Variants in ZC3H13 observed in about 807,000 individuals in gnomAD.
ZC3H13 encodes the protein zinc finger CCCH-type containing 13, also known as zinc finger CCCH domain-containing protein 13.
A neutral mutation model predicts 204.1 loss-of-function variants in ZC3H13; 64 were observed. That is an observed-to-expected ratio of 0.31 (90% confidence interval 0.26 to 0.39). The LOEUF (loss-of-function observed/expected upper bound fraction) is 0.39. ZC3H13 is among the 10% of genes least tolerant of loss of function. The pLI is 1.00. For missense variants in ZC3H13, 1,833 were observed against 2,082.7 expected (o/e 0.88, Z 2.33); for synonymous variants, 667 against 693.7 (o/e 0.96, Z 0.60).
intron 4 of ZC3H13, among the ~76,000 whole-genome samples, chr13:46,023,788 G>C (rs1274764051): frequency 6.6e-6 from 1 of 152,016 alleles, no homozygotes; most frequent in African/African-American, 2.4e-5. Flanking sequence ...ATTCACTCTT[G>C]TTTTCATTTA....
chr13:46,031,190 C>T (rs1394285345), intron 4 of ZC3H13, among the ~76,000 whole-genome samples: 2 of 152,012 alleles, frequency 1.3e-5, no homozygotes, highest in East Asian at 1.9e-4. Context: ...ATAGTCTTTT[C>T]AACAAATCAT....
intron 7 of ZC3H13, among the ~76,000 whole-genome samples, chr13:46,004,538 T>C (rs192097680): frequency 4.6e-5 from 7 of 152,250 alleles, no homozygotes; most frequent in Admixed American, 4.6e-4. Flanking sequence ...AGACTCTAAC[T>C]CAAAATAAAA....
In ZC3H13 at chr13:45,980,017, T is replaced by C. The variant is rs149813601; in HGVS notation, c.1721-13A>G. 1.5e-4 allele frequency: 232 copies of C among 1,581,912 alleles called. No homozygotes were observed. The highest frequency in any genetic ancestry group is 6.6e-4 in the East Asian group (29 of 43,996). On this transcript the variant is annotated splice_polypyrimidine_tract_variant and intron_variant, in intron 10 of 18. Transcript: ENST00000679008. ...GAGCCTCGACTTCCTAAACAAAGGATAGACACACAAATGTTTACCACATAC... is the reference window on the plus strand; with the variant it reads ...GAGCCTCGACTTCCTAAACAAAGGACAGACACACAAATGTTTACCACATAC...
chr13:46,044,930 G>C, intron 3 of ZC3H13, 25 bp downstream of exon 3: 1 of 1,561,214 alleles, frequency 6.4e-7, no homozygotes, highest in Non-Finnish European at 8.8e-7. Flanking sequence ...AATAGTACAT[G>C]AACAATACAA....
At chr13:45,970,279 T>C (rs1400454841) in intron 13 of ZC3H13, 83 bp downstream of exon 13, 1 of 1,420,818 alleles carries the variant, frequency 7.0e-7, no homozygotes, top group South Asian at 1.3e-5. Context: ...TCTTAATTCA[T>C]CAGTTCCTAC....
chr13:46,018,522 T>G (rs1032924297), intron 5 of ZC3H13, among the ~76,000 whole-genome samples: 5 of 152,008 alleles, frequency 3.3e-5, no homozygotes, highest in African/African-American at 4.8e-5. Context: ...TTCATCAACC[T>G]TATACAGCAG....
At chr13:45,998,896 T>A (rs796101844) in intron 8 of ZC3H13, among the ~76,000 whole-genome samples, 3 of 152,236 alleles carry the variant, frequency 2.0e-5, no homozygotes, top group African/African-American at 7.2e-5. Flanking sequence ...AAAAGATTTA[T>A]CTGTAGCTTG....
intron 8 of ZC3H13, among the ~76,000 whole-genome samples, chr13:45,994,921 A>C (rs2040222557): frequency 6.6e-6 from 1 of 151,950 alleles, no homozygotes; most frequent in Non-Finnish European, 1.5e-5. Context: ...GGTGCCAAGC[A>C]AGGGAGATTT....
chr13:46,049,062 G>A (rs1296934896), intron 1 of ZC3H13, among the ~76,000 whole-genome samples: 15 of 150,202 alleles, frequency 1.0e-4, no homozygotes, highest in African/African-American at 2.9e-4. Context: ...TGAGGCAGGA[G>A]AATCGCTTGA....
At chr13:46,008,738 G>C (rs576110053) in intron 7 of ZC3H13, among the ~76,000 whole-genome samples, 7 of 152,244 alleles carry the variant, frequency 4.6e-5, no homozygotes, top group African/African-American at 1.7e-4. Context: ...GAGGATAAGA[G>C]CAAGTGAAGT....
intron 4 of ZC3H13, among the ~76,000 whole-genome samples, chr13:46,032,362 C>G (rs796683378): frequency 1.0e-5 from 1 of 99,662 alleles, no homozygotes; most frequent in South Asian, 3.7e-4. Flanking sequence ...AGAAAAAGAC[C>G]AAAAAAAAAA....
chr13:46,045,094 C>A, intron 2 of ZC3H13, 30 bp from the exon 3 acceptor site: 3 of 1,530,432 alleles, frequency 2.0e-6, no homozygotes, highest in South Asian at 1.2e-5. Flanking sequence ...ATGTAAATTT[C>A]ATATTTATTT....
chr13:46,029,764 G>C (rs1165323003), intron 4 of ZC3H13, among the ~76,000 whole-genome samples: 2 of 152,014 alleles, frequency 1.3e-5, no homozygotes, highest in Admixed American at 6.6e-5. Flanking sequence ...TATGAGGTCA[G>C]CATTATCCTA....
At chr13:45,996,639 T>C (rs1008024984) in intron 8 of ZC3H13, among the ~76,000 whole-genome samples, 4 of 152,112 alleles carry the variant, frequency 2.6e-5, no homozygotes, top group Non-Finnish European at 5.9e-5. Flanking sequence ...GTTATCAGAT[T>C]GACTTGCAGT....
intron 4 of ZC3H13, 134 bp downstream of exon 4, chr13:46,042,030 T>G (rs997947165): frequency 9.9e-6 from 6 of 604,830 alleles, no homozygotes; most frequent in Non-Finnish European, 1.6e-5. Flanking sequence ...CCCTCTAAAT[T>G]ACATTATCCA....
intron 4 of ZC3H13, among the ~76,000 whole-genome samples, chr13:46,032,784 C>T (rs1012666475): frequency 6.6e-6 from 1 of 152,032 alleles, no homozygotes; most frequent in Admixed American, 6.6e-5. Context: ...ATGTACCATA[C>T]AATCATACAA....
intron 15 of ZC3H13, 101 bp downstream of exon 15, chr13:45,967,403 A>G: frequency 7.5e-7 from 1 of 1,336,434 alleles, no homozygotes; most frequent in South Asian, 1.7e-5. Context: ...AATGGAGTCA[A>G]TTTGCCCATT....
chr13:46,001,593 T>C (rs536464997), intron 8 of ZC3H13: 1 of 152,224 alleles, frequency 6.6e-6, no homozygotes, highest in African/African-American at 2.4e-5. Flanking sequence ...AAATGAAGGA[T>C]AAGCCTGTGT....
chr13:45,974,808 A>G (rs943729875), intron 12 of ZC3H13, among the ~76,000 whole-genome samples: 7 of 152,020 alleles, frequency 4.6e-5, no homozygotes, highest in Non-Finnish European at 7.4e-5. Context: ...AAGTTCACTG[A>G]TTCCTGTCTT....
Sources: gnomAD v4.1 joint callset for allele counts (sites outside exome capture counted in the v4.1 genomes callset) on GRCh38, gnomAD v4.1.1 for gene constraint, MANE v1.5 for transcripts, NCBI Gene and HGNC (gene_info 2026-07-23, HGNC 2026-07-21) for gene names.